DNAJC1: variants seen among roughly 807,000 people sequenced by gnomAD.
The protein encoded by DNAJC1 is DnaJ heat shock protein family (Hsp40) member C1, also known as dnaJ homolog subfamily C member 1.
In DNAJC1, 58 loss-of-function variants were observed where a neutral mutation model predicts 76.6. The ratio of observed to expected loss-of-function variants is 0.76; its 90% CI spans 0.61 to 0.94. The LOEUF is 0.94. Among genes scored for constraint, DNAJC1 ranks in the 40% least tolerant of loss-of-function variants. The pLI, the probability that DNAJC1 is intolerant of heterozygous loss-of-function variation, is 0.00. For missense variants in DNAJC1, 689 were observed against 677.3 expected (o/e 1.02, Z -0.19); for synonymous variants, 258 against 267.9 (o/e 0.96, Z 0.36).
At chr10:21,875,979 A>T (rs1043593668) in intron 8 of DNAJC1, among the ~76,000 whole-genome samples, 14 of 152,128 alleles carry the variant, frequency 9.2e-5, no homozygotes, top group Non-Finnish European at 1.9e-4. Context: ...TTTTAATTCT[A>T]TATACTAAAT....
intron 10 of DNAJC1, among the ~76,000 whole-genome samples, chr10:21,763,557 T>C (rs74848408): frequency 0.024 from 3,298 of 135,116 alleles, 109 homozygotes; most frequent in African/African-American, 0.08. Flanking sequence ...TTTAAGTGTG[T>C]GCAGGTTGTT....
chr10:21,861,768 G>T (rs1835918795), intron 8 of DNAJC1, among the ~76,000 whole-genome samples: 1 of 152,052 alleles, frequency 6.6e-6, no homozygotes, highest in South Asian at 2.1e-4. Flanking sequence ...AGTTACCCCG[G>T]ATGGTCTAGA....
chr10:21,849,885 T>C (rs1835725043), intron 8 of DNAJC1, among the ~76,000 whole-genome samples: 3 of 152,160 alleles, frequency 2.0e-5, no homozygotes, highest in South Asian at 2.1e-4. Flanking sequence ...ATCATCTCAA[T>C]TGATGCAGAA....
chr10:21,836,497 T>C (rs1176752775), intron 8 of DNAJC1, among the ~76,000 whole-genome samples: 1 of 152,094 alleles, frequency 6.6e-6, no homozygotes, highest in Non-Finnish European at 1.5e-5. Context: ...GAAATGTAAA[T>C]AGGCTAAATG....
At chr10:21,891,624 C>T (rs1364783621) in intron 7 of DNAJC1, among the ~76,000 whole-genome samples, 1 of 152,104 alleles carries the variant, frequency 6.6e-6, no homozygotes, top group African/African-American at 2.4e-5. Context: ...GTATTTCTCA[C>T]CCCAAACCAT....
At chr10:21,786,763 G>A (rs971481743) in intron 9 of DNAJC1, among the ~76,000 whole-genome samples, 13 of 152,044 alleles carry the variant, frequency 8.6e-5, no homozygotes, top group African/African-American at 3.1e-4. Flanking sequence ...GAGCCACTGT[G>A]CCTGGACTAA....
intron 8 of DNAJC1, among the ~76,000 whole-genome samples, chr10:21,835,032 A>C (rs1835426390): frequency 6.6e-6 from 1 of 152,206 alleles, no homozygotes. Flanking sequence ...CTGCCTCCTC[A>C]AGTGGGTCCC....
intron 1 of DNAJC1, among the ~76,000 whole-genome samples, chr10:21,948,980 G>A (rs551800568): frequency 6.6e-6 from 1 of 152,154 alleles, no homozygotes; most frequent in South Asian, 2.1e-4. Flanking sequence ...ATCTGTCCCA[G>A]CAGGAAGTCA....
chr10:21,775,954 T>C (rs1016304018), intron 9 of DNAJC1, among the ~76,000 whole-genome samples: 7 of 152,090 alleles, frequency 4.6e-5, no homozygotes, highest in African/African-American at 7.2e-5. Context: ...TTTCACCACA[T>C]TGTGATTCCA....
chr10:21,990,002 A>G (rs2131846010), intron 1 of DNAJC1, among the ~76,000 whole-genome samples: 1 of 152,334 alleles, frequency 6.6e-6, no homozygotes, highest in East Asian at 1.9e-4. Context: ...GCAATTCTTA[A>G]CAATGCCAAA....
chr10:21,875,303 G>A (rs1436187374), intron 8 of DNAJC1, among the ~76,000 whole-genome samples: 1 of 152,104 alleles, frequency 6.6e-6, no homozygotes. Context: ...CCACAGTTGT[G>A]CACCACCAAG....
intron 9 of DNAJC1, among the ~76,000 whole-genome samples, chr10:21,780,263 T>C (rs969699581): frequency 6.6e-6 from 1 of 151,890 alleles, no homozygotes; most frequent in African/African-American, 2.4e-5. Context: ...AGATACTCCT[T>C]GAGAAGAGCA....
chr10:21,884,967 AT>A (rs1293354020), intron 7 of DNAJC1, among the ~76,000 whole-genome samples: 1 of 152,132 alleles, frequency 6.6e-6, no homozygotes, highest in Non-Finnish European at 1.5e-5. Context: ...ACAAGCCAAC[AT>A]TATAACCAGC....
At chr10:21,786,447 TATATATATATATATATAGAGAG>T (rs1335413832) in intron 9 of DNAJC1, among the ~76,000 whole-genome samples, 5 of 112,904 alleles carry the variant, frequency 4.4e-5, no homozygotes, top group East Asian at 4.6e-4. Context: ...TATATATATA[TATATATATATATATATAGAGAG>T]AGAGAGAGAG....
intron 6 of DNAJC1, among the ~76,000 whole-genome samples, chr10:21,907,311 T>G (rs199842356): frequency 1.5e-3 from 218 of 141,972 alleles, no homozygotes; most frequent in Non-Finnish European, 2.8e-3. Flanking sequence ...ATTCCTCATG[T>G]TTTTTTTTTT....
chr10:21,956,803 C>T (rs1430817329), intron 1 of DNAJC1, among the ~76,000 whole-genome samples: 1 of 134,984 alleles, frequency 7.4e-6, no homozygotes, highest in African/African-American at 2.9e-5. Context: ...TTAAAAGCCT[C>T]CAACAGTTTA....
chr10:21,809,290 T>C (rs1834928804), intron 8 of DNAJC1, among the ~76,000 whole-genome samples: 1 of 152,018 alleles, frequency 6.6e-6, no homozygotes. Flanking sequence ...TGTATTTTTA[T>C]ACTTTAATGA....
intron 1 of DNAJC1, among the ~76,000 whole-genome samples, chr10:21,958,716 G>A (rs1255897915): frequency 1.3e-5 from 2 of 151,950 alleles, no homozygotes; most frequent in Admixed American, 1.3e-4. Flanking sequence ...GTGAGCCACC[G>A]CGCCTGGCCC....
At chr10:21,986,675 C>G (rs74686107) in intron 1 of DNAJC1, among the ~76,000 whole-genome samples, 5,487 of 152,144 alleles carry the variant, frequency 0.036, 155 homozygotes, top group African/African-American at 0.072. Context: ...CCTTGCATTC[C>G]TGGGATAAAT....
Sources: allele counts gnomAD v4.1 joint callset (sites outside exome capture counted in the v4.1 genomes callset), GRCh38; gene constraint gnomAD v4.1.1; transcripts MANE v1.5; gene names NCBI Gene and HGNC (gene_info 2026-07-23, HGNC 2026-07-21).